TXNRD1: variants seen among roughly 807,000 people sequenced by gnomAD.
TXNRD1 encodes the protein thioredoxin reductase 1, cytoplasmic.
A neutral mutation model predicts 80.3 loss-of-function variants in TXNRD1; 57 were observed. The ratio of observed to expected loss-of-function variants is 0.71; its 90% CI spans 0.57 to 0.89. The LOEUF (loss-of-function observed/expected upper bound fraction) is 0.89, where lower values mean the gene tolerates loss of function less well. TXNRD1 is among the 40% of genes least tolerant of loss of function. The pLI is 0.00. For missense variants in TXNRD1, 730 were observed against 803.0 expected (o/e 0.91, Z 1.10); for synonymous variants, 291 against 285.2 (o/e 1.02, Z -0.20).
At chr12:104,303,948 T>G in intron 4 of TXNRD1, 2 of 1,597,854 alleles carry the variant, frequency 1.3e-6, no homozygotes, top group Non-Finnish European at 1.7e-6. Flanking sequence ...AAGATGGATG[T>G]GTCAGTGAGG....
intron 3 of TXNRD1, among the ~76,000 whole-genome samples, chr12:104,274,132 T>G (rs900380255): frequency 6.6e-6 from 1 of 152,198 alleles, no homozygotes; most frequent in Non-Finnish European, 1.5e-5. Context: ...TGGAGAACTA[T>G]AAGGTTCTCA....
chr12:104,245,648 CAAAAAAA>C (rs149083903), intron 1 of TXNRD1, among the ~76,000 whole-genome samples: 2 of 108,900 alleles, frequency 1.8e-5, no homozygotes, highest in Non-Finnish European at 1.9e-5. Flanking sequence ...GACCCTGTCT[CAAAAAAA>C]AAAAAAAAAA....
chr12:104,227,556 C>T (rs894140309), intron 1 of TXNRD1, among the ~76,000 whole-genome samples: 30 of 152,216 alleles, frequency 2.0e-4, no homozygotes, highest in South Asian at 6.2e-4. Context: ...TGGGAGCCAC[C>T]GTGTCTGGCC....
At chr12:104,315,756 G>T in intron 6 of TXNRD1, 21 bp from the exon 7 acceptor site, 1 of 1,605,688 alleles carries the variant, frequency 6.2e-7, no homozygotes, top group South Asian at 1.1e-5. Context: ...GTTATAAACT[G>T]ATTTCTCAAT....
chr12:104,296,749 A>G (rs1237763123), intron 4 of TXNRD1, among the ~76,000 whole-genome samples: 1 of 152,202 alleles, frequency 6.6e-6, no homozygotes, highest in East Asian at 1.9e-4. Flanking sequence ...TTTATTGAAG[A>G]TGGGCTATCA....
At chr12:104,305,177 A>G (rs771276046) in intron 4 of TXNRD1, 2 of 353,874 alleles carry the variant, frequency 5.7e-6, no homozygotes, top group Non-Finnish European at 1.0e-5. Context: ...CTTTAAGACT[A>G]TTAATAAAAA....
chr12:104,272,522 C>A (rs1222169680), intron 3 of TXNRD1, among the ~76,000 whole-genome samples: 1 of 152,126 alleles, frequency 6.6e-6, no homozygotes, highest in African/African-American at 2.4e-5. Flanking sequence ...AGTCCCGGCG[C>A]TGTGGCTCAC....
intron 3 of TXNRD1, among the ~76,000 whole-genome samples, chr12:104,273,056 G>A (rs575907680): frequency 3.3e-5 from 5 of 152,098 alleles, no homozygotes; most frequent in African/African-American, 9.6e-5. Context: ...GAAAGAAGCC[G>A]CCATGTCTGC....
At chr12:104,296,499 C>T (rs922785148) in intron 4 of TXNRD1, among the ~76,000 whole-genome samples, 1 of 152,180 alleles carries the variant, frequency 6.6e-6, no homozygotes, top group Non-Finnish European at 1.5e-5. Context: ...CCTCAACCCC[C>T]CTGGGCTCAA....
chr12:104,299,329 C>T (rs1175689073), intron 4 of TXNRD1, among the ~76,000 whole-genome samples: 1 of 151,748 alleles, frequency 6.6e-6, no homozygotes, highest in African/African-American at 2.4e-5. Context: ...CAGATCGTCC[C>T]CTCCCACAGT....
At chr12:104,309,489 G>A (rs959468521) in intron 4 of TXNRD1, among the ~76,000 whole-genome samples, 1 of 152,142 alleles carries the variant, frequency 6.6e-6, no homozygotes, top group African/African-American at 2.4e-5. Flanking sequence ...TTGGAGGAGG[G>A]GGATTCCTAG....
intron 1 of TXNRD1, among the ~76,000 whole-genome samples, chr12:104,227,344 T>A (rs2032495681): frequency 6.6e-6 from 1 of 152,104 alleles, no homozygotes; most frequent in African/African-American, 2.4e-5. Context: ...TCACAGCAGC[T>A]TCAAACTCCT....
chr12:104,228,010 T>C (rs780014654), intron 1 of TXNRD1, among the ~76,000 whole-genome samples: 2 of 152,054 alleles, frequency 1.3e-5, no homozygotes, highest in Non-Finnish European at 2.9e-5. Context: ...TTTTTAAAAA[T>C]TGATATATAA....
chr12:104,245,357 C>CA (rs2032956309), intron 1 of TXNRD1, among the ~76,000 whole-genome samples: 1 of 150,476 alleles, frequency 6.6e-6, no homozygotes, highest in African/African-American at 2.4e-5. Context: ...ACTAAAAATA[C>CA]AAAATTAGCT....
chr12:104,324,060 G>C (rs1565903851), intron 10 of TXNRD1, among the ~76,000 whole-genome samples: 1 of 152,150 alleles, frequency 6.6e-6, no homozygotes, highest in Non-Finnish European at 1.5e-5. Context: ...AGGCTCTGTG[G>C]GGAGAAATAT....
At chr12:104,337,953 ATTT>A (rs761640158) in intron 15 of TXNRD1, among the ~76,000 whole-genome samples, 9 of 116,838 alleles carry the variant, frequency 7.7e-5, no homozygotes, top group Admixed American at 8.9e-5. Flanking sequence ...TGCCCAGCTA[ATTT>A]TTTTTTTTTT....
chr12:104,291,862 AC>A (rs1483886929), intron 4 of TXNRD1, among the ~76,000 whole-genome samples: 1 of 152,204 alleles, frequency 6.6e-6, no homozygotes. Flanking sequence ...AGATCTGTGA[AC>A]TTTTCAGCCA....
chr12:104,279,830 C>T (rs902241913), intron 3 of TXNRD1, among the ~76,000 whole-genome samples: 3 of 151,898 alleles, frequency 2.0e-5, no homozygotes, highest in African/African-American at 4.8e-5. Flanking sequence ...TTTGGGAGGC[C>T]GAGGAGGGTG....
At chr12:104,287,551 A>G (rs2034017413) in intron 3 of TXNRD1, 1 of 1,535,730 alleles carries the variant, frequency 6.5e-7, no homozygotes, top group Admixed American at 1.9e-5. Context: ...CTTCTCTAGG[A>G]ATTTTCACAC....
Sources: allele counts gnomAD v4.1 joint callset (sites outside exome capture counted in the v4.1 genomes callset), GRCh38; gene constraint gnomAD v4.1.1; transcripts MANE v1.5; gene names NCBI Gene and HGNC (gene_info 2026-07-23, HGNC 2026-07-21).